Variants in KIAA1217 observed in about 807,000 individuals in gnomAD.
KIAA1217 encodes sickle tail protein homolog.
In KIAA1217, 88 loss-of-function variants were observed where a neutral mutation model predicts 163.9. The ratio of observed to expected loss-of-function variants is 0.54; its 90% confidence interval spans 0.45 to 0.64. KIAA1217 has a LOEUF of 0.64. Among genes scored for constraint, KIAA1217 ranks in the 30% least tolerant of loss-of-function variants. The pLI is 0.00. For synonymous variants in KIAA1217, 903 were observed against 923.1 expected, an observed-to-expected ratio of 0.98 and a Z score of 0.39; for missense variants, 2,372 against 2,475.0, an observed-to-expected ratio of 0.96 and a Z score of 0.88.
chr10:24,451,496 G>A (rs938621065), intron 5 of KIAA1217, among the ~76,000 whole-genome samples: 2 of 152,226 alleles, frequency 1.3e-5, no homozygotes, highest in Non-Finnish European at 2.9e-5. Flanking sequence ...GATTTGTAAT[G>A]CAAAGTAATT....
At position 24,237,362 on chromosome 10, in the gene KIAA1217, T is replaced by C. The variant is rs1286836807; in HGVS notation, c.354+17453T>C. Among the ~76,000 whole-genome samples, 3 of 152,240 alleles carry C rather than the reference T, an allele frequency of 2.0e-5. No individual in the cohort carries two copies. The East Asian group carries it at 5.8e-4, about 29-fold the overall frequency. ...TCAATGCTGGTTACAAATTTTTCTCTTGGGTTTACCTCTGCCTGTCCACTG... is the reference window on the plus strand; with the variant it reads ...TCAATGCTGGTTACAAATTTTTCTCCTGGGTTTACCTCTGCCTGTCCACTG... On this transcript the variant is annotated intron_variant, in intron 2 of 20. Coordinates refer to ENST00000376454, the MANE Select transcript of KIAA1217 (RefSeq NM_019590.5).
chr10:24,132,310 G>C (rs1200928798), intron 2 of KIAA1217, among the ~76,000 whole-genome samples: 1 of 152,204 alleles, frequency 6.6e-6, no homozygotes, highest in Non-Finnish European at 1.5e-5. Context: ...AGAGCAGTCT[G>C]TCACATCATC....
chr10:23,787,076 T>C (rs1835525989), intron 1 of KIAA1217, among the ~76,000 whole-genome samples: 1 of 152,204 alleles, frequency 6.6e-6, no homozygotes, highest in African/African-American at 2.4e-5. Flanking sequence ...TTTTTTGCAT[T>C]ATAAGGAATT....
intron 2 of KIAA1217, among the ~76,000 whole-genome samples, chr10:24,023,057 T>C (rs1847802360): frequency 6.6e-6 from 1 of 151,690 alleles, no homozygotes; most frequent in African/African-American, 2.4e-5. Flanking sequence ...AGCATTCTAC[T>C]AGTGAGCCTA....
intron 2 of KIAA1217, among the ~76,000 whole-genome samples, chr10:24,151,515 C>T (rs2064611803): frequency 6.7e-6 from 1 of 148,470 alleles, no homozygotes; most frequent in African/African-American, 2.5e-5. Context: ...GATGTTCCAG[C>T]CACATCATAC....
At chr10:24,497,471 G>C (rs1383660060) in intron 8 of KIAA1217, among the ~76,000 whole-genome samples, 2 of 152,190 alleles carry the variant, frequency 1.3e-5, no homozygotes, top group African/African-American at 4.8e-5. Flanking sequence ...GGTGGCTCAT[G>C]CCTGTAATCT....
At chr10:23,956,129 G>A (rs1046428470) in intron 1 of KIAA1217, among the ~76,000 whole-genome samples, 10 of 152,140 alleles carry the variant, frequency 6.6e-5, no homozygotes, top group African/African-American at 2.4e-4. Context: ...TTTTTTAGGT[G>A]AGTCCATAAG....
At chr10:24,252,874 G>T (rs1466456602) in intron 2 of KIAA1217, among the ~76,000 whole-genome samples, 1 of 151,850 alleles carries the variant, frequency 6.6e-6, no homozygotes, top group Non-Finnish European at 1.5e-5. Context: ...AGGTGCAGTG[G>T]CTCATGCTTG....
intron 8 of KIAA1217, among the ~76,000 whole-genome samples, chr10:24,499,192 C>T (rs1024036729): frequency 1.3e-5 from 2 of 152,236 alleles, no homozygotes; most frequent in African/African-American, 4.8e-5. Context: ...GTAAGGAAAA[C>T]TTCCAATGGA....
intron 2 of KIAA1217, among the ~76,000 whole-genome samples, chr10:24,226,409 G>A (rs551254032): frequency 6.6e-5 from 10 of 151,990 alleles, no homozygotes; most frequent in South Asian, 2.1e-4. Context: ...GGCAGATCAC[G>A]AGGTCAGGAG....
chr10:24,407,015 A>G (rs2131243011), intron 3 of KIAA1217, among the ~76,000 whole-genome samples: 1 of 152,314 alleles, frequency 6.6e-6, no homozygotes, highest in East Asian at 1.9e-4. Context: ...GAACATTCTG[A>G]TCCCAGAACT....
intron 1 of KIAA1217, among the ~76,000 whole-genome samples, chr10:23,845,537 T>G (rs1838983309): frequency 2.0e-5 from 3 of 152,254 alleles, no homozygotes; most frequent in Admixed American, 2.0e-4. Flanking sequence ...AATGTCTTCT[T>G]TTGAGATGTG....
intron 1 of KIAA1217, among the ~76,000 whole-genome samples, chr10:23,804,089 G>A (rs138782151): frequency 6.6e-6 from 1 of 152,150 alleles, no homozygotes; most frequent in Non-Finnish European, 1.5e-5. Flanking sequence ...CATAGCCATA[G>A]CCATAGACAT....
chr10:24,223,965 A>G (rs942044181), intron 2 of KIAA1217, among the ~76,000 whole-genome samples: 4 of 151,846 alleles, frequency 2.6e-5, no homozygotes, highest in African/African-American at 9.7e-5. Context: ...TTATGTTTCC[A>G]AATCTGACTT....
intron 8 of KIAA1217, among the ~76,000 whole-genome samples, chr10:24,499,232 C>T (rs777878667): frequency 3.9e-5 from 6 of 152,216 alleles, no homozygotes; most frequent in African/African-American, 7.2e-5. Flanking sequence ...CATTGGAAGG[C>T]ACTGTTAACT....
At chr10:23,714,177 C>T (rs1037549757) in intron 1 of KIAA1217, among the ~76,000 whole-genome samples, 10 of 152,132 alleles carry the variant, frequency 6.6e-5, no homozygotes, top group Non-Finnish European at 1.5e-4. Flanking sequence ...ATTTCCCCTT[C>T]CCCGCTATCC....
chr10:24,097,965 CTG>C (rs1301449408), intron 2 of KIAA1217, among the ~76,000 whole-genome samples: 1 of 152,054 alleles, frequency 6.6e-6, no homozygotes, highest in African/African-American at 2.4e-5. Context: ...CCACGGATCT[CTG>C]TGTTCCAGGG....
chr10:24,411,256 T>A (rs2057747834), intron 3 of KIAA1217, among the ~76,000 whole-genome samples: 1 of 152,086 alleles, frequency 6.6e-6, no homozygotes, highest in African/African-American at 2.4e-5. Flanking sequence ...AGTTCCTACT[T>A]AATATTCATT....
chr10:23,784,731 T>C (rs1835414036), intron 1 of KIAA1217, among the ~76,000 whole-genome samples: 1 of 152,240 alleles, frequency 6.6e-6, no homozygotes, highest in African/African-American at 2.4e-5. Context: ...ATAAAAACTC[T>C]ACACTTTTAT....
Sources: allele counts gnomAD v4.1 joint callset (sites outside exome capture counted in the v4.1 genomes callset), GRCh38; gene constraint gnomAD v4.1.1; transcripts MANE v1.5; gene names NCBI Gene and HGNC (gene_info 2026-07-23, HGNC 2026-07-21).